The following NAV2 variants were observed in gnomAD, a reference collection of about 807,000 sequenced individuals.
NAV2 encodes the protein neuron navigator 2, also known as helicase, APC down-regulated 1.
Under a neutral mutation model 223.2 loss-of-function variants are expected in NAV2, and 54 were observed. The ratio of observed to expected loss-of-function variants is 0.24; its 90% CI spans 0.19 to 0.30. The LOEUF is 0.30. NAV2 is among the 10% of genes least tolerant of loss of function. The pLI is 1.00. For synonymous variants in NAV2, 1,279 were observed against 1,239.3 expected (o/e 1.03, Z -0.67); for missense variants, 2,806 against 3,147.5 (o/e 0.89, Z 2.60).
chr11:19,582,415 G>T (rs914666160), intron 1 of NAV2, among the ~76,000 whole-genome samples: 1 of 152,156 alleles, frequency 6.6e-6, no homozygotes, highest in Non-Finnish European at 1.5e-5. Flanking sequence ...ATTGCTTTTG[G>T]TGTTTTAGAC....
intron 3 of NAV2, among the ~76,000 whole-genome samples, chr11:19,844,292 A>G (rs1339848393): frequency 6.6e-6 from 1 of 152,230 alleles, no homozygotes; most frequent in African/African-American, 2.4e-5. Context: ...ATTTCCCTCC[A>G]GGATAGATAC....
At chr11:19,471,164 C>T (rs1486858972) in intron 1 of NAV2, among the ~76,000 whole-genome samples, 1 of 152,164 alleles carries the variant, frequency 6.6e-6, no homozygotes, top group Non-Finnish European at 1.5e-5. Flanking sequence ...CCTCGTGTTA[C>T]CAGTGGCCTT....
At chr11:19,391,798 A>T (rs1289133828) in intron 1 of NAV2, among the ~76,000 whole-genome samples, 18 of 152,162 alleles carry the variant, frequency 1.2e-4, no homozygotes, top group Non-Finnish European at 1.5e-5. Flanking sequence ...CAGTGTGTCT[A>T]GAATACTGAC....
At chr11:19,347,980 C>G (rs550850412), upstream of NAV2, among the ~76,000 whole-genome samples, 5 of 152,332 alleles carry the variant, frequency 3.3e-5, no homozygotes, top group Admixed American at 1.3e-4. Context: ...CTGTGACTCT[C>G]TCCCCTCTGG....
chr11:19,840,633 G>A (rs1238299977), intron 2 of NAV2, among the ~76,000 whole-genome samples: 1 of 152,154 alleles, frequency 6.6e-6, no homozygotes, highest in Admixed American at 6.5e-5. Context: ...CAGAGCTCAT[G>A]CCTGCCATAA....
chr11:19,940,565 T>C lies in NAV2; in HGVS notation c.2146+792T>C, dbSNP rs189810561. ...AGCCATGGATTTATTAGTGGCTGTG[T>C]CATTCTTCTCATATCTTACCACTTC... On this transcript the variant is annotated intron_variant, in intron 8 of 37. Coordinates refer to ENST00000349880, the MANE Select transcript of NAV2 (RefSeq NM_145117.5). Among the ~76,000 whole-genome samples, 331 of 152,324 alleles carry C rather than the reference T, an allele frequency of 2.2e-3. 1 individual carries two copies. Among genetic ancestry groups the C allele is most frequent in the African/African-American group, 7.5e-3 (310 of 41,578 alleles).
Position 20,092,355 on chromosome 11 carries a change from G to A in NAV2, c.5802G>A (p.Glu1934=), listed in dbSNP as rs369894602. 191 of 1,612,688 alleles carry A rather than the reference G, an allele frequency of 1.2e-4. 1 individual carries two copies. In the Admixed American group the frequency reaches 3.1e-3, roughly 26 times the overall value. Residue 1934 remains glutamate, a synonymous_variant, in exon 28 of 38, where the codon GAG becomes GAA. Transcript: ENST00000349880. ...CCCAGCACAGCTTGAACCTCACTGA[G>A]TCAACCAGCCTGGGTGAGTGGCCTA... The part of the protein sequence containing the change: ...GLSQHSLNLT[E]STSLDMLLDD...
chr11:19,373,985 G>A (rs1011229320), intron 1 of NAV2, among the ~76,000 whole-genome samples: 1 of 152,100 alleles, frequency 6.6e-6, no homozygotes, highest in African/African-American at 2.4e-5. Context: ...TGAAAACAAG[G>A]CATTGAGTTA....
At chr11:19,925,488 C>A (rs185207462) in intron 6 of NAV2, among the ~76,000 whole-genome samples, 3 of 152,180 alleles carry the variant, frequency 2.0e-5, no homozygotes, top group African/African-American at 7.2e-5. Context: ...TGGTGGCTTA[C>A]GCCTGTAATC....
chr11:19,541,477 C>T (rs952195057), intron 1 of NAV2, among the ~76,000 whole-genome samples: 2 of 152,224 alleles, frequency 1.3e-5, no homozygotes, highest in Admixed American at 1.3e-4. Flanking sequence ...TGGGAACTGC[C>T]AGCCGATGGT....
At chr11:20,112,606 C>G (rs1468857800) in intron 36 of NAV2, among the ~76,000 whole-genome samples, 2 of 152,210 alleles carry the variant, frequency 1.3e-5, no homozygotes, top group Admixed American at 1.3e-4. Context: ...GGCCAACAGC[C>G]TGCTCCGCGT....
Position 20,100,986 on chromosome 11 carries a change from C to G in NAV2, c.6231C>G (p.Pro2077=). 6.2e-7 allele frequency: 1 copy of G among 1,614,152 alleles called. No homozygotes were observed. Among genetic ancestry groups the G allele is most frequent in the Non-Finnish European group, 8.5e-7 (1 of 1,180,028 alleles). ...LDSLVFESLI[P]KPILQRYVSL... Reference sequence around the variant, plus strand: ...CACTGGTGTTTGAGTCCTTGATTCCCAAGCCCATCCTGCAGCGCTACGTCT... The same window carrying G: ...CACTGGTGTTTGAGTCCTTGATTCCGAAGCCCATCCTGCAGCGCTACGTCT... Residue 2077 remains proline (P), a synonymous_variant, in exon 32 of 38, where the codon CCC becomes CCG. Coordinates refer to ENST00000349880, the MANE Select transcript of NAV2 (RefSeq NM_145117.5).
At chr11:19,988,219 G>C (rs1015414474) in intron 11 of NAV2, among the ~76,000 whole-genome samples, 2 of 152,200 alleles carry the variant, frequency 1.3e-5, no homozygotes, top group Non-Finnish European at 2.9e-5. Flanking sequence ...AACGGGCTGA[G>C]CCAGTTAGAT....
intron 11 of NAV2, among the ~76,000 whole-genome samples, chr11:20,029,722 G>A (rs879736572): frequency 1.3e-5 from 2 of 152,326 alleles, no homozygotes; most frequent in South Asian, 2.1e-4. Flanking sequence ...GTCTAAAAAT[G>A]TGGAGTTTAT....
chr11:19,501,686 C>A (rs1377755926), intron 1 of NAV2, among the ~76,000 whole-genome samples: 1 of 151,726 alleles, frequency 6.6e-6, no homozygotes, highest in Non-Finnish European at 1.5e-5. Context: ...TTACTCATTT[C>A]TCTTAGTGTA....
At chr11:19,829,067 A>G (rs1429942628) in intron 1 of NAV2, among the ~76,000 whole-genome samples, 1 of 152,200 alleles carries the variant, frequency 6.6e-6, no homozygotes, top group Non-Finnish European at 1.5e-5. Flanking sequence ...TAGAGACAGT[A>G]TGTCTATTTT....
At chr11:20,021,348 A>G (rs2054490301) in intron 11 of NAV2, among the ~76,000 whole-genome samples, 1 of 152,170 alleles carries the variant, frequency 6.6e-6, no homozygotes, top group African/African-American at 2.4e-5. Flanking sequence ...GAATACATCA[A>G]CATTTCCTAG....
intron 1 of NAV2, among the ~76,000 whole-genome samples, chr11:19,824,357 T>C (rs559386651): frequency 6.6e-6 from 1 of 152,186 alleles, no homozygotes; most frequent in South Asian, 2.1e-4. Flanking sequence ...CCCACAAATG[T>C]CCCAAGTAAT....
rs764442750 is a variant in NAV2, at chr11:19,984,299, G to A, written c.2768+52G>A. ...CAGATGCAGAGGTGATCCCAGGGGG[G>A]CCCTGAGAAATGAGGGTTATGATAT... On this transcript the variant is annotated intron_variant, in intron 11 of 37. Transcript: ENST00000349880. 9 of 1,611,574 alleles carry A rather than the reference G, an allele frequency of 5.6e-6. No homozygotes were observed. In the South Asian group the frequency reaches 7.7e-5, roughly 14 times the overall value.
Sources: allele counts gnomAD v4.1 joint callset (sites outside exome capture counted in the v4.1 genomes callset), GRCh38; gene constraint gnomAD v4.1.1; transcripts MANE v1.5; gene names NCBI Gene and HGNC (gene_info 2026-07-23, HGNC 2026-07-21).